Variants in ZFAT observed in about 807,000 individuals in gnomAD.
The protein encoded by ZFAT is zinc finger and AT-hook domain containing.
A neutral mutation model predicts 117.7 loss-of-function variants in ZFAT; 64 were observed. That is an observed-to-expected ratio of 0.54 (90% CI 0.44 to 0.67). The LOEUF is 0.67. Ranked by LOEUF, ZFAT falls within the 30% of genes least tolerant of loss-of-function variation. The pLI, the probability that ZFAT is intolerant of heterozygous loss-of-function variation, is 0.00. For synonymous variants in ZFAT, 679 were observed against 615.0 expected, an observed-to-expected ratio of 1.10 and a Z score of -1.54; for missense variants, 1,433 against 1,584.5, an observed-to-expected ratio of 0.90 and a Z score of 1.62.
chr8:134,755,664 T>C, the ZFAT span, among the ~76,000 whole-genome samples: 1 of 149,928 alleles, frequency 6.7e-6, no homozygotes, highest in Non-Finnish European at 1.5e-5. Flanking sequence ...ATACAAAAAT[T>C]GTCTGGGTGT....
At chr8:134,606,729 GAAAAAAA>G (rs75459456) in intron 5 of ZFAT, among the ~76,000 whole-genome samples, 82 of 47,946 alleles carry the variant, frequency 1.7e-3, no homozygotes, top group Middle Eastern at 0.022. Context: ...CTCTGTCTCA[GAAAAAAA>G]AAAAAAAAAA....
At chr8:134,558,722 C>G (rs1301946116) in intron 11 of ZFAT, among the ~76,000 whole-genome samples, 2 of 152,136 alleles carry the variant, frequency 1.3e-5, no homozygotes, top group African/African-American at 4.8e-5. Context: ...GGGGAGGAAA[C>G]AAGAGCCAAC....
the ZFAT span, among the ~76,000 whole-genome samples, chr8:134,720,711 C>T: frequency 1.3e-5 from 2 of 152,230 alleles, no homozygotes; most frequent in Non-Finnish European, 2.9e-5. Context: ...CAGAAGAATC[C>T]CGAAGGCAAA....
chr8:134,533,473 C>A (rs1353285368), intron 11 of ZFAT, among the ~76,000 whole-genome samples: 1 of 152,226 alleles, frequency 6.6e-6, no homozygotes, highest in East Asian at 1.9e-4. Context: ...ATACCTTCTA[C>A]AGCTGTGTAA....
In ZFAT at chr8:134,677,407, C is replaced by T. The variant is rs147405716; in HGVS notation, c.20-19670G>A. Among the ~76,000 whole-genome samples the T allele has an allele frequency of 6.5e-4, 99 of 152,126 alleles. 1 individual carries two copies. Among genetic ancestry groups the T allele is most frequent in the African/African-American group, 2.3e-3 (96 of 41,506 alleles). On this transcript the variant is annotated intron_variant, in intron 1 of 15. Coordinates refer to ENST00000377838, the MANE Select transcript of ZFAT (RefSeq NM_020863.4). ...GACTAAATCAGGAAGAAGTTGAATCCCTGAATACACCAATAACAAGTTCTG... is the reference window on the plus strand; with the variant it reads ...GACTAAATCAGGAAGAAGTTGAATCTCTGAATACACCAATAACAAGTTCTG...
At chr8:134,614,822 A>G (rs1038259573) in intron 3 of ZFAT, among the ~76,000 whole-genome samples, 1 of 152,192 alleles carries the variant, frequency 6.6e-6, no homozygotes, top group Non-Finnish European at 1.5e-5. Context: ...CACAGATACC[A>G]TTGGAAATGC....
At position 134,588,264 on chromosome 8, in the gene ZFAT, G is replaced by T; in HGVS notation, c.2695C>A (p.His899Asn). Residue 899 changes from histidine to asparagine, a missense_variant, in exon 9 of 16, where the codon CAT (histidine) becomes AAT (asparagine). Coordinates refer to ENST00000377838, the MANE Select transcript of ZFAT (RefSeq NM_020863.4). ...FMKNGSDLQR[H>N]IWAHEGVKPF... is the part of the protein sequence containing the mutation. ...TACTCACCTTCATGAGCCCAAATAT[G>T]ACGCTGAAGGTCTGAGCCATTCTTC... The T allele has an allele frequency of 6.4e-7, 1 of 1,568,842 alleles. No homozygotes were observed.
chr8:134,600,218 CAATT>C (rs1250971623), intron 7 of ZFAT: 1 of 578,730 alleles, frequency 1.7e-6, no homozygotes, highest in African/African-American at 1.9e-5. Flanking sequence ...GCACAGGAAA[CAATT>C]TATTCCATCT....
At chr8:134,691,880 G>A (rs1244193787) in intron 1 of ZFAT, among the ~76,000 whole-genome samples, 1 of 152,148 alleles carries the variant, frequency 6.6e-6, no homozygotes, top group East Asian at 1.9e-4. Flanking sequence ...CCTTTATCAT[G>A]AAGACCAGAA....
At chr8:134,637,764 G>A (rs1401223161) in intron 2 of ZFAT, 52 bp from the exon 3 acceptor site, 2 of 1,581,008 alleles carry the variant, frequency 1.3e-6, no homozygotes, top group South Asian at 1.1e-5. Context: ...GGCAGTGCAG[G>A]GTTCACAATC....
intron 7 of ZFAT, among the ~76,000 whole-genome samples, chr8:134,592,633 G>C (rs558472448): frequency 6.6e-6 from 1 of 152,176 alleles, no homozygotes; most frequent in East Asian, 1.9e-4. Flanking sequence ...CTCTCCTATA[G>C]TGAGTGCTCA....
At chr8:134,791,444 A>G in the ZFAT span, among the ~76,000 whole-genome samples, 1 of 152,154 alleles carries the variant, frequency 6.6e-6, no homozygotes. Flanking sequence ...CACCTAGGTC[A>G]GTGTACCTTC....
At chr8:134,647,970 T>G (rs1340685891) in intron 2 of ZFAT, among the ~76,000 whole-genome samples, 1 of 152,104 alleles carries the variant, frequency 6.6e-6, no homozygotes, top group Non-Finnish European at 1.5e-5. Flanking sequence ...AGGTAAAGCA[T>G]GATGACTATA....
chr8:134,775,445 T>C, the ZFAT span, among the ~76,000 whole-genome samples: 1 of 152,234 alleles, frequency 6.6e-6, no homozygotes, highest in African/African-American at 2.4e-5. Flanking sequence ...GGCTGGTTTA[T>C]TTCTGGTTCC....
chr8:134,531,713 C>T (rs1220394403), intron 12 of ZFAT, among the ~76,000 whole-genome samples: 3 of 152,220 alleles, frequency 2.0e-5, no homozygotes, highest in African/African-American at 7.2e-5. Flanking sequence ...AAGGCACATG[C>T]TCGCCGTTAC....
chr8:134,749,076 C>T, the ZFAT span, among the ~76,000 whole-genome samples: 1 of 152,122 alleles, frequency 6.6e-6, no homozygotes, highest in Non-Finnish European at 1.5e-5. Flanking sequence ...CAAATGTGTC[C>T]TCCCACTCTG....
intron 15 of ZFAT, among the ~76,000 whole-genome samples, chr8:134,482,358 C>T (rs187150430): frequency 3.0e-4 from 45 of 152,292 alleles, no homozygotes; most frequent in Admixed American, 6.5e-4. Context: ...AGGCCTGAAA[C>T]GAAGTTCGCA....
the ZFAT span, among the ~76,000 whole-genome samples, chr8:134,775,253 C>A: frequency 6.6e-6 from 1 of 152,122 alleles, no homozygotes; most frequent in African/African-American, 2.4e-5. Context: ...TGTCTTGTCC[C>A]CTTAGGGCCT....
intron 12 of ZFAT, among the ~76,000 whole-genome samples, chr8:134,531,043 T>C (rs928627468): frequency 6.6e-6 from 1 of 152,172 alleles, no homozygotes; most frequent in African/African-American, 2.4e-5. Context: ...TGTGTATCTC[T>C]GAAAGAGGAA....
Sources: gnomAD v4.1 joint callset for allele counts (sites outside exome capture counted in the v4.1 genomes callset) on GRCh38, gnomAD v4.1.1 for gene constraint, MANE v1.5 for transcripts, NCBI Gene and HGNC (gene_info 2026-07-23, HGNC 2026-07-21) for gene names.